Variants in KIF13A observed in about 807,000 individuals in gnomAD.
KIF13A encodes the protein kinesin-like protein KIF13A.
KIF13A carries 79 observed loss-of-function variants against 212.2 expected under a neutral mutation model. The ratio of observed to expected loss-of-function variants is 0.37; its 90% CI spans 0.31 to 0.45. The LOEUF (loss-of-function observed/expected upper bound fraction) is 0.45. Among genes scored for constraint, KIF13A ranks in the 20% least tolerant of loss-of-function variants. The pLI is 1.00. For missense variants in KIF13A, 1,901 were observed against 2,209.0 expected, an observed-to-expected ratio of 0.86 and a Z score of 2.79; for synonymous variants, 789 against 808.6, an observed-to-expected ratio of 0.98 and a Z score of 0.41.
rs1185947943 is a variant in KIF13A, at chr6:17,826,238, C to T, written c.1533-114G>A. The T allele has an allele frequency of 1.8e-5, 13 of 733,222 alleles. No individual in the cohort carries two copies. The highest frequency in any genetic ancestry group is 7.8e-5 in the Admixed American group (3 of 38,616). 45.4% of individuals were successfully genotyped at this position (733,222 alleles called of 1,614,324 possible). The stretch of plus-strand genomic sequence containing the variant: ...CTCTTAATAAATGCATTCCAACTAA[C>T]GCTTAAAGAAGGAAGAGCAGAATGT... On this transcript the variant is annotated intron_variant, in intron 14 of 38. Transcript: ENST00000259711. This position sits in a 1 kb window ranked among gnomAD's most constrained non-coding sequence, Gnocchi z 4.7.
intron 2 of KIF13A, among the ~76,000 whole-genome samples, chr6:17,905,571 C>T (rs974155663): frequency 6.6e-6 from 1 of 152,102 alleles, no homozygotes; most frequent in African/African-American, 2.4e-5. Context: ...ATACATATAT[C>T]ACAAAACAAT....
chr6:17,913,771 G>A (rs1298255924), intron 2 of KIF13A, among the ~76,000 whole-genome samples: 1 of 152,132 alleles, frequency 6.6e-6, no homozygotes, highest in African/African-American at 2.4e-5. Context: ...GAAACTGAAG[G>A]AAAATCCACA....
Position 17,783,601 on chromosome 6 carries a change from CT to C in KIF13A, c.3544+44del. ...ATGTGAATCTGGATAGATTACAAACCTTAGTTAAATACAATAATCCCTGTGA... is the reference window on the plus strand; with the variant it reads ...ATGTGAATCTGGATAGATTACAAACCTAGTTAAATACAATAATCCCTGTGA... On this transcript the variant is annotated intron_variant, in intron 29 of 38. Coordinates refer to ENST00000259711, the MANE Select transcript of KIF13A (RefSeq NM_022113.6). This position sits in a 1 kb window ranked among gnomAD's most constrained non-coding sequence, Gnocchi z 4.3. The C allele has an allele frequency of 8.2e-7, 1 of 1,226,768 alleles. No homozygotes were observed. The highest frequency in any genetic ancestry group is 1.2e-6 in the Non-Finnish European group (1 of 849,898). 76.0% of individuals were successfully genotyped at this position (1,226,768 alleles called of 1,614,324 possible). A position where few individuals can be genotyped will look rare whatever the true frequency, so the allele number is the denominator to read the frequency against.
chr6:17,797,758 T>C (rs867165901), intron 22 of KIF13A, among the ~76,000 whole-genome samples: 9 of 151,958 alleles, frequency 5.9e-5, no homozygotes, highest in South Asian at 2.1e-4. Context: ...ACTAGCCGGG[T>C]GTGGTGGTGC....
At position 17,800,029 on chromosome 6, in the gene KIF13A, A is replaced by T. The variant is rs1385343377; in HGVS notation, c.2539T>A (p.Ser847Thr). ...RVVEDDSSEN[S>T]SESGSLEVVD... Reference sequence around the variant, plus strand: ...ACTTCAAGGCTCCCACTTTCACTGGAATTCTCCGAAGAGTCATCCTCCACC... The same window carrying T: ...ACTTCAAGGCTCCCACTTTCACTGGTATTCTCCGAAGAGTCATCCTCCACC... The change falls in exon 21 of 39, where the codon TCC becomes ACC. Residue 847 changes from serine (S) to threonine (T), a missense_variant. Coordinates refer to ENST00000259711, the MANE Select transcript of KIF13A (RefSeq NM_022113.6). The T allele has an allele frequency of 6.8e-6, 11 of 1,613,872 alleles. No individual in the cohort carries two copies. The highest frequency in any genetic ancestry group is 2.2e-5 in the East Asian group (1 of 44,892).
intron 4 of KIF13A, among the ~76,000 whole-genome samples, chr6:17,864,652 G>A (rs1444534865): frequency 6.6e-6 from 1 of 152,096 alleles, no homozygotes; most frequent in African/African-American, 2.4e-5. Context: ...CACCACTTAT[G>A]GCTAATTTTT....
In KIF13A at chr6:17,856,208, C is replaced by A; in HGVS notation, c.221-86G>T. On this transcript the variant is annotated intron_variant, in intron 4 of 38. Transcript: ENST00000259711. The surrounding 1 kb of genome is among the most constrained non-coding windows in gnomAD (Gnocchi z 4.5). ...TGTTAGTAACAATATTATGTCAATT[C>A]AAAAAAATGTTAAAAGTGTAGTACC... 1.1e-6 allele frequency: 1 copy of A among 938,876 alleles called. No homozygotes were observed. Among genetic ancestry groups the A allele is most frequent in the South Asian group, 1.5e-5 (1 of 65,750 alleles). 58.2% of individuals were successfully genotyped at this position (938,876 alleles called of 1,614,324 possible).
intron 17 of KIF13A, among the ~76,000 whole-genome samples, chr6:17,815,867 A>G (rs1053586093): frequency 2.7e-5 from 4 of 150,544 alleles, no homozygotes; most frequent in Non-Finnish European, 5.9e-5. Context: ...GTTCTGATAT[A>G]AGTATTTTAA....
At chr6:17,841,052 G>A (rs1374423491) in intron 9 of KIF13A, among the ~76,000 whole-genome samples, 3 of 149,710 alleles carry the variant, frequency 2.0e-5, no homozygotes, top group Admixed American at 6.7e-5. Flanking sequence ...CCTGCCTCCC[G>A]CATCCAGAAG....
intron 11 of KIF13A, among the ~76,000 whole-genome samples, chr6:17,835,986 A>G (rs546857441): frequency 6.6e-6 from 1 of 152,232 alleles, no homozygotes; most frequent in Non-Finnish European, 1.5e-5. Flanking sequence ...AAGTCCTGGC[A>G]TGTGGAACCC....
At chr6:17,822,653 G>A (rs1049356575) in intron 16 of KIF13A, among the ~76,000 whole-genome samples, 1 of 152,160 alleles carries the variant, frequency 6.6e-6, no homozygotes, top group Non-Finnish European at 1.5e-5. Flanking sequence ...ATTCTGTAAC[G>A]TCCGCTGAAG....
chr6:17,787,636 G>A lies in KIF13A; in HGVS notation c.3361+140C>T. Reference sequence around the variant, plus strand: ...ACTGCACTCCAGCTTGGGTGACAGAGTGAGACCCTGTCTTAAAACAACAAC... The same window carrying A: ...ACTGCACTCCAGCTTGGGTGACAGAATGAGACCCTGTCTTAAAACAACAAC... On this transcript the variant is annotated intron_variant, in intron 27 of 38. Coordinates refer to ENST00000259711, the MANE Select transcript of KIF13A (RefSeq NM_022113.6). This position sits in a 1 kb window ranked among gnomAD's most constrained non-coding sequence, Gnocchi z 4.6. The A allele has an allele frequency of 1.6e-6, 1 of 621,852 alleles. No individual in the cohort carries two copies. The highest frequency in any genetic ancestry group is 2.9e-6 in the Non-Finnish European group (1 of 348,288). The allele number at this position is 621,852 out of a possible 1,614,324, so 38.5% of individuals were successfully genotyped here.
chr6:17,831,224 T>A lies in KIF13A; in HGVS notation c.1278A>T (p.Arg426=), dbSNP rs905830829. The change falls in exon 13 of 39, where the codon CGA becomes CGT. Residue 426 remains arginine, a synonymous_variant. Transcript: ENST00000259711. ...GGGAAATCCCCATGCTTTCAAGTTG[T>A]CGTTGTCTTTCCTGTGCACAAAAAC... ...KTEEIAQERQ[R]QLESMGISLE... is the part of the protein sequence containing the mutation. 3.1e-6 allele frequency: 5 copies of A among 1,612,362 alleles called. No homozygotes were observed. Among genetic ancestry groups the A allele is most frequent in the Non-Finnish European group, 4.2e-6 (5 of 1,179,464 alleles).
At position 17,809,050 on chromosome 6, in the gene KIF13A, T is replaced by C. The variant is rs902446918; in HGVS notation, c.2001-120A>G. The C allele has an allele frequency of 5.4e-6, 5 of 931,294 alleles. No homozygotes were observed. The highest frequency in any genetic ancestry group is 7.8e-6 in the Non-Finnish European group (5 of 643,428). The allele number at this position is 931,294 out of a possible 1,614,324, so 57.7% of individuals were successfully genotyped here. ...CTCTCGGGCAGTATTTTTCAAACTA[T>C]TTTACCAGACTACCTCTCATCCTTC... On this transcript the variant is annotated intron_variant, in intron 17 of 38. Transcript: ENST00000259711. The surrounding 1 kb of genome is among the most constrained non-coding windows in gnomAD (Gnocchi z 4.7).
intron 22 of KIF13A, among the ~76,000 whole-genome samples, 156 bp from the exon 23 acceptor site, chr6:17,796,976 C>T (rs977818833): frequency 6.6e-6 from 1 of 152,110 alleles, no homozygotes; most frequent in Non-Finnish European, 1.5e-5. Context: ...TAAAGAACCA[C>T]AGAATGTTAG....
intron 11 of KIF13A, among the ~76,000 whole-genome samples, chr6:17,836,404 T>C (rs1262383077): frequency 6.6e-6 from 1 of 152,212 alleles, no homozygotes; most frequent in Non-Finnish European, 1.5e-5. Flanking sequence ...GATCAGGTAG[T>C]AGCAGGAATT....
intron 2 of KIF13A, among the ~76,000 whole-genome samples, chr6:17,942,802 A>C (rs1173180549): frequency 6.6e-6 from 1 of 151,992 alleles, no homozygotes; most frequent in Non-Finnish European, 1.5e-5. Context: ...ACATGGTGAA[A>C]CCCCATCTCT....
chr6:17,787,645 T>C lies in KIF13A; in HGVS notation c.3361+131A>G. On this transcript the variant is annotated intron_variant, in intron 27 of 38. Coordinates refer to ENST00000259711, the MANE Select transcript of KIF13A (RefSeq NM_022113.6). This position sits in a 1 kb window ranked among gnomAD's most constrained non-coding sequence, Gnocchi z 4.6. ...CAGCTTGGGTGACAGAGTGAGACCCTGTCTTAAAACAACAACAACAACAAC... is the reference window on the plus strand; with the variant it reads ...CAGCTTGGGTGACAGAGTGAGACCCCGTCTTAAAACAACAACAACAACAAC... 1.6e-6 allele frequency: 1 copy of C among 612,746 alleles called. No homozygotes were observed. Among genetic ancestry groups the C allele is most frequent in the Non-Finnish European group, 2.9e-6 (1 of 342,648 alleles). 38.0% of individuals were successfully genotyped at this position (612,746 alleles called of 1,614,324 possible). A position where few individuals can be genotyped will look rare whatever the true frequency, so the allele number is the denominator to read the frequency against.
intron 16 of KIF13A, among the ~76,000 whole-genome samples, chr6:17,821,629 A>G (rs1764461017): frequency 7.8e-6 from 1 of 127,868 alleles, no homozygotes; most frequent in Non-Finnish European, 1.7e-5. Flanking sequence ...ACATTCCTCA[A>G]TGAAGAATAC....
Sources: gnomAD v4.1 joint callset for allele counts (sites outside exome capture counted in the v4.1 genomes callset) on GRCh38, gnomAD v4.1.1 for gene constraint, Gnocchi (gnomAD v3.1) non-coding constraint, MANE v1.5 for transcripts, NCBI Gene and HGNC (gene_info 2026-07-23, HGNC 2026-07-21) for gene names.